The following ADAM32 variants were observed in gnomAD, a reference collection of about 807,000 sequenced individuals.
ADAM32 encodes ADAM metallopeptidase domain 32.
In ADAM32, 89 loss-of-function variants were observed where a neutral mutation model predicts 114.9. The observed-to-expected ratio is 0.77, with a 90% CI of 0.65 to 0.92. The LOEUF (loss-of-function observed/expected upper bound fraction) is 0.92. ADAM32 is among the 40% of genes least tolerant of loss of function. The pLI, the probability that ADAM32 is intolerant of heterozygous loss-of-function variation, is 0.00. For missense variants in ADAM32, 870 were observed against 932.8 expected, an observed-to-expected ratio of 0.93 and a Z score of 0.88; for synonymous variants, 285 against 307.5, an observed-to-expected ratio of 0.93 and a Z score of 0.77.
intron 10 of ADAM32, among the ~76,000 whole-genome samples, chr8:39,175,130 C>G (rs1156357796): frequency 1.3e-5 from 2 of 152,174 alleles, no homozygotes; most frequent in Non-Finnish European, 2.9e-5. Flanking sequence ...CATCTGCAAA[C>G]AAAGACAATT....
At chr8:39,222,679 G>GA in intron 13 of ADAM32, among the ~76,000 whole-genome samples, 1 of 152,072 alleles carries the variant, frequency 6.6e-6, no homozygotes, top group South Asian at 2.1e-4. Context: ...ACCATGGCTT[G>GA]AAAAAGTATA....
intron 22 of ADAM32, among the ~76,000 whole-genome samples, chr8:39,279,528 C>T (rs1000035586): frequency 2.0e-5 from 3 of 152,174 alleles, no homozygotes; most frequent in Non-Finnish European, 4.4e-5. Flanking sequence ...GTGATCCACT[C>T]GCCTCGGCCT....
chr8:39,284,649 A>C, intron 24 of ADAM32, 144 bp from the exon 25 acceptor site: 1 of 808,322 alleles, frequency 1.2e-6, no homozygotes, highest in Non-Finnish European at 1.9e-6. Context: ...ATAATTTCAC[A>C]GGCAAAATTG....
At position 39,232,083 on chromosome 8, in the gene ADAM32, T is replaced by C; in HGVS notation, c.1582T>C (p.Phe528Leu). ...AGAAATACAATCTCAATCAGACAGA[T>C]TTGGGAACTGTGGTAGGGATAGAAA... ...YEEIQSQSDR[F>L]GNCGRDRNNK... Residue 528 changes from phenylalanine (F) to leucine (L), a missense_variant, in exon 15 of 25, where the codon TTT (phenylalanine) becomes CTT (leucine). Coordinates refer to ENST00000379907, the MANE Select transcript of ADAM32 (RefSeq NM_145004.7). 6.2e-7 allele frequency: 1 copy of C among 1,612,676 alleles called. No individual in the cohort carries two copies. Among genetic ancestry groups the C allele is most frequent in the Non-Finnish European group, 8.5e-7 (1 of 1,179,040 alleles).
At chr8:39,134,196 A>T (rs867803645) in intron 2 of ADAM32, among the ~76,000 whole-genome samples, 2 of 151,806 alleles carry the variant, frequency 1.3e-5, no homozygotes, top group Non-Finnish European at 2.9e-5. Flanking sequence ...CCAGGTCAGG[A>T]TGTAATCTGT....
At chr8:39,117,369 T>A (rs1439796628) in intron 1 of ADAM32, among the ~76,000 whole-genome samples, 1 of 152,184 alleles carries the variant, frequency 6.6e-6, no homozygotes, top group African/African-American at 2.4e-5. Context: ...TTCTCACTGT[T>A]AGGCATTTTA....
At position 39,206,860 on chromosome 8, in the gene ADAM32, T is replaced by A. The variant is rs567706227; in HGVS notation, c.1053-4284T>A. 4.6e-5 allele frequency among the ~76,000 whole-genome samples: 7 copies of A among 152,010 alleles called. No homozygotes were observed. The South Asian group carries it at 1.2e-3, about 27-fold the overall frequency. On this transcript the variant is annotated intron_variant, in intron 11 of 24. Transcript: ENST00000379907. ...AGGATCTGAACCTGAATCTGGTGGTTTGGTGGGGCTGGGCTCTCAAAATAG... is the reference window on the plus strand; with the variant it reads ...AGGATCTGAACCTGAATCTGGTGGTATGGTGGGGCTGGGCTCTCAAAATAG...
intron 3 of ADAM32, among the ~76,000 whole-genome samples, chr8:39,141,119 T>C (rs557906140): frequency 6.6e-6 from 1 of 152,332 alleles, no homozygotes; most frequent in East Asian, 1.9e-4. Flanking sequence ...CTATCAATTT[T>C]GTTGATCTTT....
intron 3 of ADAM32, among the ~76,000 whole-genome samples, chr8:39,138,355 G>A (rs928658796): frequency 6.6e-6 from 1 of 151,550 alleles, no homozygotes; most frequent in African/African-American, 2.4e-5. Flanking sequence ...CCTGGTGTGT[G>A]ACATCCCCTG....
At chr8:39,203,936 C>A (rs1807625166) in intron 11 of ADAM32, among the ~76,000 whole-genome samples, 1 of 152,118 alleles carries the variant, frequency 6.6e-6, no homozygotes, top group South Asian at 2.1e-4. Flanking sequence ...AAATTCTTTT[C>A]TTTAAGAATG....
chr8:39,175,493 G>A (rs1805467638), intron 10 of ADAM32, among the ~76,000 whole-genome samples: 1 of 152,150 alleles, frequency 6.6e-6, no homozygotes, highest in African/African-American at 2.4e-5. Context: ...TGATTTGTGT[G>A]TGTTGAACCA....
chr8:39,261,178 G>A (rs898907676), intron 19 of ADAM32, among the ~76,000 whole-genome samples: 1 of 152,084 alleles, frequency 6.6e-6, no homozygotes, highest in Non-Finnish European at 1.5e-5. Context: ...ATATCTCGCT[G>A]TAACTTTGTA....
At position 39,144,278 on chromosome 8, in the gene ADAM32, A is replaced by G. The variant is rs117437798; in HGVS notation, c.201-2852A>G. Among the ~76,000 whole-genome samples, 19 of 152,336 alleles carry G rather than the reference A, an allele frequency of 1.2e-4. No homozygotes were observed. In the East Asian group the frequency reaches 3.3e-3, roughly 26 times the overall value. ...GATGAACCAGGTACCTCAGTTGGAAATGCAGAAATCACTGCTCTTTTGTGT... is the reference window on the plus strand; with the variant it reads ...GATGAACCAGGTACCTCAGTTGGAAGTGCAGAAATCACTGCTCTTTTGTGT... On this transcript the variant is annotated intron_variant, in intron 3 of 24. Coordinates refer to ENST00000379907, the MANE Select transcript of ADAM32 (RefSeq NM_145004.7).
chr8:39,255,042 C>T (rs1811558716), intron 18 of ADAM32, among the ~76,000 whole-genome samples: 1 of 151,790 alleles, frequency 6.6e-6, no homozygotes, highest in African/African-American at 2.4e-5. Flanking sequence ...GCTGCGAATG[C>T]TATTATTTTG....
intron 18 of ADAM32, among the ~76,000 whole-genome samples, chr8:39,256,268 T>C (rs372561801): frequency 3.3e-5 from 5 of 152,158 alleles, no homozygotes; most frequent in African/African-American, 1.2e-4. Flanking sequence ...TCTTTTAGAA[T>C]ATTTTCAACC....
intron 11 of ADAM32, among the ~76,000 whole-genome samples, chr8:39,187,389 G>A (rs1174082441): frequency 1.3e-5 from 2 of 151,922 alleles, no homozygotes; most frequent in African/African-American, 2.4e-5. Flanking sequence ...CTCCTGCCTC[G>A]GCCTCCCGAG....
intron 14 of ADAM32, among the ~76,000 whole-genome samples, chr8:39,224,331 AT>A (rs1170916952): frequency 6.6e-6 from 1 of 152,154 alleles, no homozygotes; most frequent in Non-Finnish European, 1.5e-5. Context: ...TCTACTTTTG[AT>A]TTCTAAGGAT....
At chr8:39,157,752 A>T in intron 6 of ADAM32, 3 of 1,379,230 alleles carry the variant, frequency 2.2e-6, no homozygotes, top group Non-Finnish European at 2.0e-6. Context: ...TCAGCATGAC[A>T]AAGTCATTGG....
At chr8:39,111,157 A>G (rs1199664064) in intron 1 of ADAM32, among the ~76,000 whole-genome samples, 2 of 152,076 alleles carry the variant, frequency 1.3e-5, no homozygotes, top group Admixed American at 6.6e-5. Context: ...TGGACATTTG[A>G]TTGTTTCCAA....
Sources: gnomAD v4.1 joint callset for allele counts (sites outside exome capture counted in the v4.1 genomes callset) on GRCh38, gnomAD v4.1.1 for gene constraint, MANE v1.5 for transcripts, NCBI Gene and HGNC (gene_info 2026-07-23, HGNC 2026-07-21) for gene names.